The following FMNL2 variants were observed in gnomAD, a reference collection of about 807,000 sequenced individuals.
FMNL2 encodes the protein formin-like protein 2.
FMNL2 carries 51 observed loss-of-function variants against 130.2 expected under a neutral mutation model. That is an observed-to-expected ratio of 0.39 (90% CI 0.31 to 0.49). The LOEUF is 0.49. Ranked by LOEUF, FMNL2 falls within the 20% of genes least tolerant of loss-of-function variation. FMNL2 has a pLI of 0.85. For synonymous variants in FMNL2, 465 were observed against 467.1 expected (o/e 1.00, Z 0.06); for missense variants, 977 against 1,316.2 (o/e 0.74, Z 3.99).
intron 6 of FMNL2, among the ~76,000 whole-genome samples, chr2:152,572,332 G>A (rs955487187): frequency 2.0e-5 from 3 of 152,002 alleles, no homozygotes; most frequent in African/African-American, 4.8e-5. Flanking sequence ...CCAACTTTGG[G>A]GCTTAAAAAA....
chr2:152,597,026 T>A (rs1395955201), intron 9 of FMNL2, among the ~76,000 whole-genome samples: 1 of 152,224 alleles, frequency 6.6e-6, no homozygotes, highest in African/African-American at 2.4e-5. Flanking sequence ...GGGAAAATAA[T>A]GGTACACTGA....
At chr2:152,457,674 C>A (rs1689031686) in intron 1 of FMNL2, among the ~76,000 whole-genome samples, 1 of 152,138 alleles carries the variant, frequency 6.6e-6, no homozygotes, top group African/African-American at 2.4e-5. Context: ...AACAAATTAC[C>A]ACACATTTAA....
intron 2 of FMNL2, among the ~76,000 whole-genome samples, chr2:152,538,517 T>C (rs1056244812): frequency 1.3e-5 from 2 of 152,154 alleles, no homozygotes; most frequent in African/African-American, 4.8e-5. Flanking sequence ...TGACCACAGG[T>C]GATCCACCTG....
chr2:152,546,111 G>GGTGCCCTT, intron 3 of FMNL2, among the ~76,000 whole-genome samples: 1 of 152,098 alleles, frequency 6.6e-6, no homozygotes, highest in East Asian at 1.9e-4. Context: ...TGCTACGCTG[G>GGTGCCCTT]GTGCCCTTGT....
chr2:152,442,163 C>T (rs142464170), intron 1 of FMNL2, among the ~76,000 whole-genome samples: 153 of 152,178 alleles, frequency 1.0e-3, no homozygotes, highest in African/African-American at 3.4e-3. Flanking sequence ...ACCTCCTCAG[C>T]GTCACCTACT....
At chr2:152,358,600 G>A (rs1275142862) in intron 1 of FMNL2, among the ~76,000 whole-genome samples, 4 of 151,438 alleles carry the variant, frequency 2.6e-5, no homozygotes, top group East Asian at 1.9e-4. Context: ...GCAGTAAGCC[G>A]AGATTGTGCC....
intron 4 of FMNL2, among the ~76,000 whole-genome samples, chr2:152,551,555 CTT>C (rs1387534501): frequency 6.6e-6 from 1 of 152,194 alleles, no homozygotes; most frequent in East Asian, 1.9e-4. Flanking sequence ...TGAACTCACT[CTT>C]TGTTATGTAA....
chr2:152,532,378 G>A (rs980601651), intron 2 of FMNL2, among the ~76,000 whole-genome samples: 15 of 152,222 alleles, frequency 9.9e-5, no homozygotes, highest in Admixed American at 5.2e-4. Flanking sequence ...TCCTACCAGC[G>A]ATGTAATAGC....
chr2:152,402,450 G>T lies in FMNL2; in HGVS notation c.117+66730G>T, dbSNP rs548805560. On this transcript the variant is annotated intron_variant, in intron 1 of 25. Transcript: ENST00000288670. ...GGATCTCTGGTCACTGAATAAAACTGATCTACCCTCTGAGTGTGGCCCAGC... is the reference window on the plus strand; with the variant it reads ...GGATCTCTGGTCACTGAATAAAACTTATCTACCCTCTGAGTGTGGCCCAGC... Among the ~76,000 whole-genome samples the T allele has an allele frequency of 6.8e-4, 104 of 152,278 alleles. No homozygotes were observed. The Middle Eastern group carries it at 0.01, about 15-fold the overall frequency.
intron 1 of FMNL2, among the ~76,000 whole-genome samples, chr2:152,430,876 AAT>A (rs569231077): frequency 5.3e-5 from 8 of 150,520 alleles, no homozygotes; most frequent in East Asian, 1.9e-4. Flanking sequence ...TGGTCTCGAA[AAT>A]ATATATATAT....
In FMNL2 at chr2:152,638,264, G is replaced by A. The variant is rs540562648; in HGVS notation, c.2946+590G>A. Among the ~76,000 whole-genome samples, 13 of 152,304 alleles carry A rather than the reference G, an allele frequency of 8.5e-5. No individual in the cohort carries two copies. In the South Asian group the frequency reaches 2.3e-3, roughly 27 times the overall value. On this transcript the variant is annotated intron_variant, in intron 23 of 25. Coordinates refer to ENST00000288670, the MANE Select transcript of FMNL2 (RefSeq NM_052905.4). ...CTGTGGTCTTGAAAAAGCCTATGAC[G>A]CAAAGAGACATGTATCAGAAGGATT...
At chr2:152,375,896 T>TATATATATATATATATATATATATAA (rs1553871971) in intron 1 of FMNL2, among the ~76,000 whole-genome samples, 10 of 143,688 alleles carry the variant, frequency 7.0e-5, no homozygotes, top group Admixed American at 3.5e-4. Context: ...TATATATATA[T>TATATATATATATATATATATATATAA]AATTATTATT....
At chr2:152,600,698 G>A (rs1209825012) in intron 9 of FMNL2, among the ~76,000 whole-genome samples, 1 of 151,170 alleles carries the variant, frequency 6.6e-6, no homozygotes, top group African/African-American at 2.4e-5. Flanking sequence ...GTTCACAAAT[G>A]TCTTTCACAG....
intron 1 of FMNL2, among the ~76,000 whole-genome samples, chr2:152,453,487 G>T (rs1688769391): frequency 6.6e-6 from 1 of 152,194 alleles, no homozygotes; most frequent in South Asian, 2.1e-4. Flanking sequence ...CCAGTTTGTG[G>T]ATTGCCAGGA....
intron 1 of FMNL2, among the ~76,000 whole-genome samples, chr2:152,402,303 C>T (rs1411540473): frequency 6.6e-6 from 1 of 152,058 alleles, no homozygotes; most frequent in African/African-American, 2.4e-5. Context: ...AGTCAGAGGG[C>T]GGAGTGGAGG....
At chr2:152,367,447 GT>G (rs1373601466) in intron 1 of FMNL2, among the ~76,000 whole-genome samples, 1 of 152,154 alleles carries the variant, frequency 6.6e-6, no homozygotes. Context: ...AGAGGGCCCT[GT>G]TTCTATATAC....
intron 2 of FMNL2, among the ~76,000 whole-genome samples, chr2:152,541,530 A>C (rs1052510589): frequency 6.6e-6 from 1 of 152,210 alleles, no homozygotes; most frequent in Admixed American, 6.5e-5. Context: ...ACTCAGATCA[A>C]GAAATAGAAC....
intron 1 of FMNL2, among the ~76,000 whole-genome samples, chr2:152,414,436 A>T (rs1686491228): frequency 6.6e-6 from 1 of 152,136 alleles, no homozygotes; most frequent in Non-Finnish European, 1.5e-5. Context: ...GCCCAGTATC[A>T]CTTCTCCGTG....
intron 1 of FMNL2, among the ~76,000 whole-genome samples, chr2:152,391,667 C>T (rs762483360): frequency 6.6e-6 from 1 of 151,274 alleles, no homozygotes; most frequent in Admixed American, 6.6e-5. Context: ...CCATATTTCC[C>T]GATAGGGGTT....
Sources: allele counts gnomAD v4.1 joint callset (sites outside exome capture counted in the v4.1 genomes callset), GRCh38; gene constraint gnomAD v4.1.1; transcripts MANE v1.5; gene names NCBI Gene and HGNC (gene_info 2026-07-23, HGNC 2026-07-21).